CNTNAP5: variants seen among roughly 807,000 people sequenced by gnomAD.
CNTNAP5 encodes the protein contactin associated protein family member 5.
CNTNAP5 carries 72 observed loss-of-function variants against 150.2 expected under a neutral mutation model. That is an observed-to-expected ratio of 0.48 (90% CI 0.40 to 0.58). CNTNAP5 has a LOEUF of 0.58. Among genes scored for constraint, CNTNAP5 ranks in the 20% least tolerant of loss-of-function variants. CNTNAP5 has a pLI of 0.00. For missense variants in CNTNAP5, 1,636 were observed against 1,626.2 expected, an observed-to-expected ratio of 1.01 and a Z score of -0.10; for synonymous variants, 672 against 619.8, an observed-to-expected ratio of 1.08 and a Z score of -1.25.
intron 2 of CNTNAP5, among the ~76,000 whole-genome samples, chr2:124,231,738 A>G (rs1686625002): frequency 6.6e-6 from 1 of 152,162 alleles, no homozygotes; most frequent in East Asian, 1.9e-4. Context: ...TTACTAGGAC[A>G]GCTATAGATC....
At chr2:124,889,078 CTTTTTTTTTT>C (rs761790564) in intron 21 of CNTNAP5, among the ~76,000 whole-genome samples, 1 of 68,782 alleles carries the variant, frequency 1.5e-5, no homozygotes, top group East Asian at 3.4e-4. Context: ...TGAGGTCTAG[CTTTTTTTTTT>C]TTTTTTTTTT....
At chr2:124,705,270 G>A (rs1184972664) in intron 13 of CNTNAP5, among the ~76,000 whole-genome samples, 3 of 152,152 alleles carry the variant, frequency 2.0e-5, no homozygotes, top group Non-Finnish European at 4.4e-5. Context: ...GCTCACACCT[G>A]TAATCCCAGC....
chr2:124,094,025 T>C (rs1682875531), intron 1 of CNTNAP5, among the ~76,000 whole-genome samples: 1 of 152,198 alleles, frequency 6.6e-6, no homozygotes, highest in African/African-American at 2.4e-5. Context: ...ATACAGTTTG[T>C]TTAGATAAAT....
At chr2:124,193,640 C>T (rs1164217860) in intron 1 of CNTNAP5, among the ~76,000 whole-genome samples, 2 of 152,154 alleles carry the variant, frequency 1.3e-5, no homozygotes, top group African/African-American at 4.8e-5. Context: ...GATACCAAAC[C>T]ACTAACGTTT....
chr2:124,237,532 T>C (rs1362637169), intron 2 of CNTNAP5, among the ~76,000 whole-genome samples: 1 of 152,082 alleles, frequency 6.6e-6, no homozygotes, highest in East Asian at 1.9e-4. Context: ...TTTTGTTTTG[T>C]TTTTCTTACT....
intron 17 of CNTNAP5, among the ~76,000 whole-genome samples, chr2:124,777,105 A>G (rs1681340697): frequency 1.3e-5 from 2 of 151,990 alleles, no homozygotes; most frequent in Admixed American, 1.3e-4. Flanking sequence ...GAAACACTAG[A>G]AGAGCACCCA....
At chr2:124,200,370 A>G (rs1313059886) in intron 1 of CNTNAP5, among the ~76,000 whole-genome samples, 2 of 152,044 alleles carry the variant, frequency 1.3e-5, no homozygotes, top group Non-Finnish European at 1.5e-5. Context: ...TTGAGACACC[A>G]CTCATTGTTA....
intron 3 of CNTNAP5, among the ~76,000 whole-genome samples, chr2:124,266,759 A>C (rs1687615328): frequency 6.6e-6 from 1 of 152,166 alleles, no homozygotes; most frequent in Non-Finnish European, 1.5e-5. Context: ...TTCAGTGCAG[A>C]TGGAGTGAAG....
chr2:124,892,976 G>C (rs1678230135), intron 21 of CNTNAP5, among the ~76,000 whole-genome samples: 1 of 152,160 alleles, frequency 6.6e-6, no homozygotes, highest in African/African-American at 2.4e-5. Context: ...CATTAGGAAG[G>C]AAGGGTGTTT....
At chr2:124,345,200 G>A (rs1689708049) in intron 3 of CNTNAP5, among the ~76,000 whole-genome samples, 1 of 152,178 alleles carries the variant, frequency 6.6e-6, no homozygotes, top group Admixed American at 6.5e-5. Context: ...TAGACTTTAA[G>A]CCATAGAACA....
At chr2:124,504,767 C>T (rs920093605) in intron 8 of CNTNAP5, among the ~76,000 whole-genome samples, 9 of 138,284 alleles carry the variant, frequency 6.5e-5, no homozygotes, top group Admixed American at 3.2e-4. Flanking sequence ...AGTGCAGTGG[C>T]TCGATCTCAG....
chr2:124,831,975 T>C (rs1682725142), intron 19 of CNTNAP5, among the ~76,000 whole-genome samples: 1 of 152,110 alleles, frequency 6.6e-6, no homozygotes. Flanking sequence ...AGTATTTTGA[T>C]GATAGCTCAG....
At chr2:124,463,092 A>G (rs2104822945) in intron 6 of CNTNAP5, among the ~76,000 whole-genome samples, 1 of 152,330 alleles carries the variant, frequency 6.6e-6, no homozygotes, top group Admixed American at 6.5e-5. Context: ...GATATGACCG[A>G]GGAAGACCAC....
chr2:124,540,625 C>T (rs909296904), intron 10 of CNTNAP5, among the ~76,000 whole-genome samples: 25 of 152,108 alleles, frequency 1.6e-4, no homozygotes, highest in Admixed American at 1.2e-3. Flanking sequence ...CATTGATTTT[C>T]CCTGCTCTGA....
intron 14 of CNTNAP5, among the ~76,000 whole-genome samples, chr2:124,762,093 C>T (rs1420723963): frequency 6.6e-6 from 1 of 152,072 alleles, no homozygotes; most frequent in Non-Finnish European, 1.5e-5. Flanking sequence ...AAATCTCTGC[C>T]TGAAAAGATA....
intron 10 of CNTNAP5, among the ~76,000 whole-genome samples, chr2:124,538,675 GAAGGAAGA>G (rs895343765): frequency 2.6e-5 from 4 of 151,368 alleles, no homozygotes; most frequent in Admixed American, 1.3e-4. Flanking sequence ...AGAAAGAAAG[GAAGGAAGA>G]AAGGAAGAAA....
At chr2:124,264,389 TACACACACACACACAC>T (rs200429155) in intron 3 of CNTNAP5, among the ~76,000 whole-genome samples, 16 of 126,552 alleles carry the variant, frequency 1.3e-4, no homozygotes, top group East Asian at 2.3e-4. Flanking sequence ...CACACACACA[TACACACACACACACAC>T]ACACACACAC....
intron 13 of CNTNAP5, among the ~76,000 whole-genome samples, chr2:124,735,823 G>C (rs974593384): frequency 6.6e-6 from 1 of 152,138 alleles, no homozygotes; most frequent in Non-Finnish European, 1.5e-5. Flanking sequence ...TCACAGCTTT[G>C]TTGAGAGGGT....
chr2:124,774,666 G>A (rs776249206), intron 17 of CNTNAP5, among the ~76,000 whole-genome samples: 1 of 152,040 alleles, frequency 6.6e-6, no homozygotes, highest in Non-Finnish European at 1.5e-5. Context: ...ATTTTTTGGT[G>A]GAATCAAGTC....
Sources: allele counts gnomAD v4.1 joint callset (sites outside exome capture counted in the v4.1 genomes callset), GRCh38; gene constraint gnomAD v4.1.1; transcripts MANE v1.5; gene names NCBI Gene and HGNC (gene_info 2026-07-23, HGNC 2026-07-21).